The following SEMA4A variants were observed in gnomAD, a reference collection of about 807,000 sequenced individuals.
The protein encoded by SEMA4A is semaphorin 4A, also known as semaphorin-4A.
A neutral mutation model predicts 72.5 loss-of-function variants in SEMA4A; 52 were observed. The ratio of observed to expected loss-of-function variants is 0.72; its 90% confidence interval spans 0.57 to 0.90. SEMA4A has a LOEUF of 0.90. Among genes scored for constraint, SEMA4A ranks in the 40% least tolerant of loss-of-function variants. The pLI is 0.00. For synonymous variants in SEMA4A, 369 were observed against 393.1 expected, an observed-to-expected ratio of 0.94 and a Z score of 0.73; for missense variants, 926 against 959.7, an observed-to-expected ratio of 0.96 and a Z score of 0.46.
intron 2 of SEMA4A, chr1:156,155,248 G>A (rs754423076): frequency 6.3e-6 from 1 of 159,102 alleles, no homozygotes; most frequent in Non-Finnish European, 1.4e-5. Flanking sequence ...TTCTTACTGA[G>A]ACTGTGGAGG....
chr1:156,175,117 T>C lies in SEMA4A; in HGVS notation c.1466T>C (p.Val489Ala), dbSNP rs757031866. The C allele has an allele frequency of 1.2e-6, 2 of 1,614,108 alleles. No homozygotes were observed. Among genetic ancestry groups the C allele is most frequent in the South Asian group, 2.2e-5 (2 of 91,086 alleles). ...GTGTTTGTAGGCTTCTCAGGAGGTG[T>C]CTGGAGGGTGCCCCGAGCCAACTGT... ...GAVFVGFSGG[V>A]WRVPRANCSV... The change falls in exon 13 of 15, where the codon GTC (valine) becomes GCC (alanine). Residue 489 changes from valine to alanine, a missense_variant. By Grantham distance (64) the Val-to-Ala change is moderately conservative. Transcript: ENST00000368285.
intron 9 of SEMA4A, 31 bp downstream of exon 9, chr1:156,161,549 G>C: frequency 1.2e-6 from 2 of 1,612,088 alleles, no homozygotes; most frequent in Non-Finnish European, 1.7e-6. Flanking sequence ...ATGGGGGCTG[G>C]ACACGGGACT....
At chr1:156,150,094 GT>G (rs1652409451), upstream of SEMA4A, 1 of 152,020 alleles carries the variant, frequency 6.6e-6, no homozygotes, top group South Asian at 2.1e-4. Context: ...CAGGCTCCAG[GT>G]AAGGGAGCGG....
rs1653434966 is a variant in SEMA4A, at chr1:156,160,050, T to C, written c.569-393T>C. Reference sequence around the variant, plus strand: ...GCTTTTCAGCAGGACCTTGAAAAGATAGGTAGACAGATGGCAGGGAAGGTG... The same window carrying C: ...GCTTTTCAGCAGGACCTTGAAAAGACAGGTAGACAGATGGCAGGGAAGGTG... On this transcript the variant is annotated intron_variant, in intron 6 of 14. Transcript: ENST00000368285. 2.6e-5 allele frequency among the ~76,000 whole-genome samples: 4 copies of C among 151,846 alleles called. No homozygotes were observed. In the South Asian group the frequency reaches 6.2e-4, roughly 24 times the overall value.
intron 10 of SEMA4A, among the ~76,000 whole-genome samples, chr1:156,165,071 G>A (rs866816293): frequency 2.0e-5 from 3 of 152,076 alleles, no homozygotes; most frequent in Non-Finnish European, 2.9e-5. Context: ...AAAGCGCTAG[G>A]ATTACAGGCA....
At chr1:156,147,860 C>A (rs1008267816), upstream of SEMA4A, among the ~76,000 whole-genome samples, 2 of 152,166 alleles carry the variant, frequency 1.3e-5, no homozygotes, top group Admixed American at 6.5e-5. Context: ...CCCTCTCCAC[C>A]CCACAGAACT....
intron 11 of SEMA4A, among the ~76,000 whole-genome samples, chr1:156,173,609 G>C (rs1023943108): frequency 5.3e-5 from 8 of 152,026 alleles, no homozygotes; most frequent in Non-Finnish European, 1.2e-4. Flanking sequence ...TGTGGGTGGC[G>C]GGGGGGACAG....
At chr1:156,160,036 G>A (rs1020477860) in intron 6 of SEMA4A, among the ~76,000 whole-genome samples, 4 of 152,132 alleles carry the variant, frequency 2.6e-5, no homozygotes, top group African/African-American at 2.4e-5. Context: ...CTTTTCAGCA[G>A]GACCTTGAAA....
Position 156,171,982 on chromosome 1 carries a change from C to T in SEMA4A, c.1135-844C>T, listed in dbSNP as rs201201635. ...TTTATTTTTTGTAGAGACGGGGTTT[C>T]ACCATGTTAGCCAGGATGGTCTCGA... On this transcript the variant is annotated intron_variant, in intron 10 of 14. Transcript: ENST00000368285. 2.8e-4 allele frequency among the ~76,000 whole-genome samples: 42 copies of T among 152,136 alleles called. No individual in the cohort carries two copies. In the East Asian group the frequency reaches 8.1e-3, roughly 29 times the overall value.
At chr1:156,161,790 C>A in intron 9 of SEMA4A, 2 of 465,634 alleles carry the variant, frequency 4.3e-6, no homozygotes, top group Non-Finnish European at 7.6e-6. Context: ...ATATTAAAAT[C>A]GATAAAATAG....
chr1:156,175,393 T>C, intron 13 of SEMA4A, 150 bp downstream of exon 13: 3 of 1,196,152 alleles, frequency 2.5e-6, no homozygotes, highest in Admixed American at 1.8e-5. Flanking sequence ...AGGGATGGAG[T>C]TTCCAGGCAG....
chr1:156,162,878 A>G (rs1023425592), intron 9 of SEMA4A, 66 bp from the exon 10 acceptor site: 2 of 1,602,892 alleles, frequency 1.2e-6, no homozygotes, highest in Non-Finnish European at 1.7e-6. Flanking sequence ...ACTGAGGGCC[A>G]GCGCTGGAGA....
chr1:156,164,681 A>G (rs1448902674), intron 10 of SEMA4A, among the ~76,000 whole-genome samples: 2 of 152,176 alleles, frequency 1.3e-5, no homozygotes, highest in Non-Finnish European at 2.9e-5. Context: ...CTTCTTATTC[A>G]CAGCCTAGCC....
intron 10 of SEMA4A, among the ~76,000 whole-genome samples, chr1:156,172,132 AT>A (rs1654856690): frequency 8.7e-6 from 1 of 114,318 alleles, no homozygotes; most frequent in African/African-American, 3.5e-5. Context: ...TTATTTATTT[AT>A]TTGAGACGGA....
intron 13 of SEMA4A, 101 bp downstream of exon 13, chr1:156,175,344 T>A: frequency 7.1e-7 from 1 of 1,411,276 alleles, no homozygotes; most frequent in South Asian, 1.3e-5. Flanking sequence ...ACTGACATAT[T>A]CACTCCAAGA....
chr1:156,177,115 G>T lies in SEMA4A; in HGVS notation c.*118G>T. The T allele has an allele frequency of 8.0e-6, 7 of 875,124 alleles. No homozygotes were observed. The highest frequency in any genetic ancestry group is 1.3e-5 in the Non-Finnish European group (7 of 542,492). The allele number at this position is 875,124 out of a possible 1,614,324, so 54.2% of individuals were successfully genotyped here. A position where few individuals can be genotyped will look rare whatever the true frequency, so the allele number is the denominator to read the frequency against. ...AAAGACCACCTTTCTCCCCTGAGAGGAGCTTCTGCTACTCTGCATCACTGA... is the reference window on the plus strand; with the variant it reads ...AAAGACCACCTTTCTCCCCTGAGAGTAGCTTCTGCTACTCTGCATCACTGA... On this transcript the variant is annotated 3_prime_UTR_variant, in exon 15 of 15. Transcript: ENST00000368285.
chr1:156,159,259 A>G (rs1653353919), intron 6 of SEMA4A, among the ~76,000 whole-genome samples: 1 of 152,078 alleles, frequency 6.6e-6, no homozygotes, highest in Non-Finnish European at 1.5e-5. Context: ...GCTTGAACCC[A>G]GGAGGTGGAG....
chr1:156,170,322 G>A (rs989628750), intron 10 of SEMA4A, among the ~76,000 whole-genome samples: 5 of 151,784 alleles, frequency 3.3e-5, no homozygotes, highest in African/African-American at 4.8e-5. Context: ...ATATTAGCTG[G>A]GCGTGGTGGC....
At chr1:156,163,269 C>A in intron 10 of SEMA4A, 175 bp downstream of exon 10, 1 of 685,618 alleles carries the variant, frequency 1.5e-6, no homozygotes, top group Non-Finnish European at 2.5e-6. Context: ...GCCTAGCACC[C>A]TTTTATACAC....
Sources: gnomAD v4.1 joint callset for allele counts (sites outside exome capture counted in the v4.1 genomes callset) on GRCh38, gnomAD v4.1.1 for gene constraint, MANE v1.5 for transcripts, NCBI Gene and HGNC (gene_info 2026-07-23, HGNC 2026-07-21) for gene names.